The following CNTN5 variants were observed in gnomAD, a reference collection of about 807,000 sequenced individuals.
CNTN5 encodes the protein contactin 5, also known as contactin-5.
A neutral mutation model predicts 129.1 loss-of-function variants in CNTN5; 77 were observed. The ratio of observed to expected loss-of-function variants is 0.60; its 90% CI spans 0.50 to 0.72. The LOEUF is 0.72. Ranked by LOEUF, CNTN5 falls within the 30% of genes least tolerant of loss-of-function variation. CNTN5 has a pLI of 0.00. For synonymous variants in CNTN5, 509 were observed against 465.6 expected, an observed-to-expected ratio of 1.09 and a Z score of -1.20; for missense variants, 1,478 against 1,328.8, an observed-to-expected ratio of 1.11 and a Z score of -1.75.
chr11:100,036,438 C>G (rs1405079723), intron 9 of CNTN5, among the ~76,000 whole-genome samples: 1 of 151,716 alleles, frequency 6.6e-6, no homozygotes, highest in Non-Finnish European at 1.5e-5. Context: ...TTAGGATTGA[C>G]TTGGCGATGC....
intron 7 of CNTN5, among the ~76,000 whole-genome samples, chr11:99,936,703 AATG>A (rs1188632398): frequency 6.6e-6 from 1 of 152,192 alleles, no homozygotes; most frequent in Non-Finnish European, 1.5e-5. Flanking sequence ...TGACTAAGAA[AATG>A]ATGAAAGTGA....
chr11:99,319,901 C>T (rs1264901723), intron 1 of CNTN5, among the ~76,000 whole-genome samples: 1 of 151,980 alleles, frequency 6.6e-6, no homozygotes, highest in Non-Finnish European at 1.5e-5. Context: ...GAGATATATA[C>T]AGAGGTCAAA....
intron 3 of CNTN5, among the ~76,000 whole-genome samples, chr11:99,815,102 A>G (rs936277192): frequency 6.6e-6 from 1 of 152,122 alleles, no homozygotes; most frequent in African/African-American, 2.4e-5. Context: ...GATTATGAGG[A>G]TTACGGAGAT....
rs114914213 is a variant in CNTN5 at position 99,852,571 on chromosome 11, A to G, written c.577+7309A>G. 6.9e-3 allele frequency among the ~76,000 whole-genome samples: 1,044 copies of G among 152,346 alleles called. 18 individuals are homozygous for G. Among genetic ancestry groups the G allele is most frequent in the African/African-American group, 0.024 (996 of 41,568 alleles). On this transcript the variant is annotated intron_variant, in intron 6 of 24. Transcript: ENST00000524871. ...CACTCTTATTTCTTTTACATAAATC[A>G]TAAATTTGCAAGTTTTTTTAATTCA...
At chr11:99,482,239 A>C (rs2135316624) in intron 2 of CNTN5, among the ~76,000 whole-genome samples, 1 of 152,324 alleles carries the variant, frequency 6.6e-6, no homozygotes, top group East Asian at 1.9e-4. Context: ...TAACCAAACA[A>C]GTTAGGCAAA....
At chr11:99,610,625 G>T (rs1478957422) in intron 3 of CNTN5, among the ~76,000 whole-genome samples, 2 of 152,142 alleles carry the variant, frequency 1.3e-5, no homozygotes, top group Non-Finnish European at 2.9e-5. Flanking sequence ...TTTCAGTGCA[G>T]ACGGGAAAAT....
chr11:100,064,620 G>A (rs1176724857), intron 10 of CNTN5, among the ~76,000 whole-genome samples: 1 of 152,152 alleles, frequency 6.6e-6, no homozygotes, highest in Middle Eastern at 3.4e-3. Context: ...TGCCTTTCTT[G>A]ATAATAGGAT....
chr11:100,309,310 A>G (rs1951421946), intron 21 of CNTN5: 1 of 983,900 alleles, frequency 1.0e-6, no homozygotes, highest in Non-Finnish European at 1.2e-6. Flanking sequence ...GTATACTAAC[A>G]TGGTTTCCAG....
chr11:99,842,184 C>G (rs1376299998), intron 4 of CNTN5, among the ~76,000 whole-genome samples: 1 of 152,034 alleles, frequency 6.6e-6, no homozygotes, highest in African/African-American at 2.4e-5. Context: ...TGTAAGCCAC[C>G]ACACCCGGGT....
chr11:99,580,536 A>G (rs1481493132), intron 3 of CNTN5, among the ~76,000 whole-genome samples: 2 of 152,126 alleles, frequency 1.3e-5, no homozygotes, highest in Non-Finnish European at 2.9e-5. Context: ...CAGATATTCA[A>G]CTTCTTCCTG....
intron 3 of CNTN5, among the ~76,000 whole-genome samples, chr11:99,707,603 T>C (rs936839511): frequency 1.3e-5 from 2 of 151,728 alleles, no homozygotes; most frequent in African/African-American, 4.8e-5. Context: ...CATAGTCTCA[T>C]TGTTTTTCAC....
Position 100,118,025 on chromosome 11 carries a change from G to A in CNTN5, c.1580+43731G>A, listed in dbSNP as rs181493873. Among the ~76,000 whole-genome samples, 70 of 151,208 alleles carry A rather than the reference G, an allele frequency of 4.6e-4. 1 individual carries two copies. Among genetic ancestry groups the A allele is most frequent in the Admixed American group, 2.6e-3 (39 of 15,150 alleles). On this transcript the variant is annotated intron_variant, in intron 13 of 24. Transcript: ENST00000524871. ...AAATTTCTCTAACTTTTTTAACCTC[G>A]CAGTTGTTTTTTTTTTCCCTTCCAT...
At chr11:99,337,499 G>T (rs561443040) in intron 2 of CNTN5, among the ~76,000 whole-genome samples, 47 of 152,300 alleles carry the variant, frequency 3.1e-4, no homozygotes, top group African/African-American at 1.1e-3. Flanking sequence ...GCAGGAACAC[G>T]CCCTTAAGAC....
intron 8 of CNTN5, among the ~76,000 whole-genome samples, chr11:99,991,695 A>G (rs952606584): frequency 2.0e-5 from 3 of 152,116 alleles, no homozygotes; most frequent in African/African-American, 4.8e-5. Flanking sequence ...TCAATAGCAA[A>G]CTACTTCCCT....
chr11:99,379,901 A>T (rs770474793), intron 2 of CNTN5, among the ~76,000 whole-genome samples: 5 of 151,988 alleles, frequency 3.3e-5, no homozygotes, highest in Admixed American at 6.6e-5. Context: ...TGCCATATAA[A>T]GGTTTAAATA....
chr11:100,131,092 G>T (rs1205145730), intron 13 of CNTN5, among the ~76,000 whole-genome samples: 1 of 151,986 alleles, frequency 6.6e-6, no homozygotes, highest in Non-Finnish European at 1.5e-5. Flanking sequence ...CGTGGCAATG[G>T]TAAGAAAATT....
At chr11:99,025,429 G>T (rs541343663) in intron 1 of CNTN5, among the ~76,000 whole-genome samples, 1 of 151,750 alleles carries the variant, frequency 6.6e-6, no homozygotes, top group Admixed American at 6.6e-5. Context: ...TATGAAGGGC[G>T]TAGAGATGTT....
chr11:99,178,027 C>T (rs1857862588), intron 1 of CNTN5, among the ~76,000 whole-genome samples: 1 of 151,976 alleles, frequency 6.6e-6, no homozygotes, highest in South Asian at 2.1e-4. Flanking sequence ...ATCTTGAAGT[C>T]CCTGCTATGT....
In CNTN5 at chr11:100,183,818, T is replaced by C. The variant is rs10466627; in HGVS notation, c.1581-7308T>C. 5.4e-3 allele frequency among the ~76,000 whole-genome samples: 822 copies of C among 152,276 alleles called. 8 individuals are homozygous for C. Among genetic ancestry groups the C allele is most frequent in the African/African-American group, 0.018 (761 of 41,576 alleles). On this transcript the variant is annotated intron_variant, in intron 13 of 24. Coordinates refer to ENST00000524871, the MANE Select transcript of CNTN5 (RefSeq NM_014361.4). Reference sequence around the variant, plus strand: ...GTTGAAAAATGTTAATAGCTTCCCATTGCCCTTAAAATTAAGAACAAATGA... The same window carrying C: ...GTTGAAAAATGTTAATAGCTTCCCACTGCCCTTAAAATTAAGAACAAATGA...
Sources: allele counts gnomAD v4.1 joint callset (sites outside exome capture counted in the v4.1 genomes callset), GRCh38; gene constraint gnomAD v4.1.1; transcripts MANE v1.5; gene names NCBI Gene and HGNC (gene_info 2026-07-23, HGNC 2026-07-21).